LGSN: variants seen among roughly 807,000 people sequenced by gnomAD.
LGSN encodes lengsin.
In LGSN, 21 loss-of-function variants were observed where a neutral mutation model predicts 19.5. That is an observed-to-expected ratio of 1.07 (90% confidence interval 0.76 to 1.55). The LOEUF is 1.55. LGSN is among the 40% of genes most tolerant of loss of function. LGSN has a pLI of 0.00. For synonymous variants in LGSN, 257 were observed against 215.6 expected (o/e 1.19, Z -1.68); for missense variants, 673 against 608.5 (o/e 1.11, Z -1.12).
At chr6:63,564,166 C>G in the LGSN span, among the ~76,000 whole-genome samples, 1 of 151,502 alleles carries the variant, frequency 6.6e-6, no homozygotes, top group African/African-American at 2.4e-5. Context: ...ATCCTAGCTG[C>G]TTGGGAGGCT....
chr6:63,288,230 A>AAAAAAAATAAAT (rs1554170758), intron 2 of LGSN, among the ~76,000 whole-genome samples: 1 of 138,490 alleles, frequency 7.2e-6, no homozygotes, highest in Non-Finnish European at 1.6e-5. Flanking sequence ...CCATCTCAAA[A>AAAAAAAATAAAT]AAATAAATAA....
the LGSN span, among the ~76,000 whole-genome samples, chr6:63,513,421 T>C: frequency 1.5e-4 from 23 of 152,004 alleles, no homozygotes; most frequent in African/African-American, 5.6e-4. Flanking sequence ...ATGGGGATTT[T>C]TTTTTTTATA....
chr6:63,358,157 A>C, the LGSN span, among the ~76,000 whole-genome samples: 4 of 152,130 alleles, frequency 2.6e-5, no homozygotes, highest in South Asian at 8.3e-4. Flanking sequence ...ATGTGGCATT[A>C]TTTCTGAGGG....
At chr6:63,441,656 T>A in the LGSN span, 1 of 472,334 alleles carries the variant, frequency 2.1e-6, no homozygotes, top group Non-Finnish European at 4.1e-6. Context: ...GGAGAAAGAG[T>A]GCCAGAGAAA....
At chr6:63,418,509 C>G in the LGSN span, among the ~76,000 whole-genome samples, 4 of 152,208 alleles carry the variant, frequency 2.6e-5, no homozygotes, top group South Asian at 8.3e-4. Context: ...TGCAGTGAGC[C>G]GAGATTCCGC....
chr6:63,453,799 G>A, the LGSN span, among the ~76,000 whole-genome samples: 4 of 151,888 alleles, frequency 2.6e-5, no homozygotes, highest in Admixed American at 6.6e-5. Flanking sequence ...AACTACAGGC[G>A]CCCGCCACCA....
chr6:63,445,845 CA>C, the LGSN span, among the ~76,000 whole-genome samples: 1 of 152,150 alleles, frequency 6.6e-6, no homozygotes, highest in Non-Finnish European at 1.5e-5. Context: ...CCATTCATAA[CA>C]CAGCCATAGT....
At chr6:63,565,281 T>G in the LGSN span, among the ~76,000 whole-genome samples, 1 of 152,116 alleles carries the variant, frequency 6.6e-6, no homozygotes, top group Non-Finnish European at 1.5e-5. Context: ...AATACTATAT[T>G]AAGCGGCAGA....
the LGSN span, among the ~76,000 whole-genome samples, chr6:63,326,317 T>A: frequency 6.6e-6 from 1 of 151,968 alleles, no homozygotes; most frequent in Non-Finnish European, 1.5e-5. Context: ...GATTGGTATA[T>A]TTACAATCCC....
chr6:63,326,803 G>A, the LGSN span, among the ~76,000 whole-genome samples: 20 of 152,152 alleles, frequency 1.3e-4, no homozygotes, highest in South Asian at 6.2e-4. Flanking sequence ...CGCAAGTGCC[G>A]TGCGCAGCCC....
the LGSN span, among the ~76,000 whole-genome samples, chr6:63,541,040 AG>A: frequency 2.0e-5 from 3 of 151,084 alleles, no homozygotes; most frequent in Non-Finnish European, 4.4e-5. Context: ...GAAGGAAGGA[AG>A]GAAGGAAGGA....
chr6:63,556,453 T>C, the LGSN span, among the ~76,000 whole-genome samples: 1 of 152,170 alleles, frequency 6.6e-6, no homozygotes, highest in Non-Finnish European at 1.5e-5. Context: ...AGTGCTGGGA[T>C]TACAGGCATG....
the LGSN span, among the ~76,000 whole-genome samples, chr6:63,353,795 G>A: frequency 6.6e-6 from 1 of 151,956 alleles, no homozygotes; most frequent in African/African-American, 2.4e-5. Flanking sequence ...TACAAAAACT[G>A]ACACATAGAC....
chr6:63,496,822 T>C, the LGSN span, among the ~76,000 whole-genome samples: 1 of 151,828 alleles, frequency 6.6e-6, no homozygotes, highest in Non-Finnish European at 1.5e-5. Flanking sequence ...GAAATGCAAA[T>C]AGATAAATAA....
chr6:63,518,989 A>G, the LGSN span, among the ~76,000 whole-genome samples: 1 of 152,194 alleles, frequency 6.6e-6, no homozygotes, highest in Non-Finnish European at 1.5e-5. Flanking sequence ...CACTGTAGTA[A>G]AGCATGTGCA....
At chr6:63,552,980 A>T in the LGSN span, among the ~76,000 whole-genome samples, 12 of 151,954 alleles carry the variant, frequency 7.9e-5, no homozygotes, top group Non-Finnish European at 1.3e-4. Context: ...TATGATCATA[A>T]CCTTTTTTAA....
the LGSN span, among the ~76,000 whole-genome samples, chr6:63,442,119 T>C: frequency 6.6e-6 from 1 of 152,122 alleles, no homozygotes; most frequent in Non-Finnish European, 1.5e-5. Context: ...TCTGGAGTTG[T>C]TTGTTCCTCA....
chr6:63,487,425 A>G, the LGSN span, among the ~76,000 whole-genome samples: 3 of 152,344 alleles, frequency 2.0e-5, no homozygotes, highest in Admixed American at 2.0e-4. Context: ...CAAACTTTGC[A>G]AATATTCTGT....
At chr6:63,507,962 C>T in the LGSN span, among the ~76,000 whole-genome samples, 1 of 152,098 alleles carries the variant, frequency 6.6e-6, no homozygotes, top group Non-Finnish European at 1.5e-5. Flanking sequence ...CAACTTGGGT[C>T]TCTCAGCTCC....
Sources: allele counts gnomAD v4.1 joint callset (sites outside exome capture counted in the v4.1 genomes callset), GRCh38; gene constraint gnomAD v4.1.1; transcripts MANE v1.5; gene names NCBI Gene and HGNC (gene_info 2026-07-23, HGNC 2026-07-21).